ATF2: variants seen among roughly 807,000 people sequenced by gnomAD.
ATF2 encodes activating transcription factor 2, also known as cyclic AMP-dependent transcription factor ATF-2.
Under a neutral mutation model 60.6 loss-of-function variants are expected in ATF2, and 24 were observed. The ratio of observed to expected loss-of-function variants is 0.40; its 90% CI spans 0.29 to 0.56. ATF2 has a LOEUF of 0.56. ATF2 is among the 20% of genes least tolerant of loss of function. The pLI, the probability that ATF2 is intolerant of heterozygous loss-of-function variation, is 0.54. For missense variants in ATF2, 433 were observed against 607.7 expected, an observed-to-expected ratio of 0.71 and a Z score of 3.02; for synonymous variants, 206 against 215.4, an observed-to-expected ratio of 0.96 and a Z score of 0.38.
Position 175,114,126 on chromosome 2 carries a change from A to G in ATF2, c.627-18T>C, listed in dbSNP as rs753469694. Reference sequence around the variant, plus strand: ...GTACAGGGCTAAGAAAAACAAAAGAAGAGAAATTTTAAAAAAGAGATTCAT... The same window carrying G: ...GTACAGGGCTAAGAAAAACAAAAGAGGAGAAATTTTAAAAAAGAGATTCAT... On this transcript the variant is annotated intron_variant, in intron 8 of 13. Coordinates refer to ENST00000264110, the MANE Select transcript of ATF2 (RefSeq NM_001880.4). The G allele has an allele frequency of 3.8e-6, 6 of 1,559,034 alleles. No individual in the cohort carries two copies. Among genetic ancestry groups the G allele is most frequent in the South Asian group, 3.6e-5 (3 of 83,258 alleles).
chr2:175,114,503 T>C (rs1696413831), intron 8 of ATF2, 187 bp downstream of exon 8: 4 of 1,304,422 alleles, frequency 3.1e-6, no homozygotes, highest in South Asian at 2.5e-5. Flanking sequence ...TAGTTGTATT[T>C]ATCTCCCACT....
intron 4 of ATF2, among the ~76,000 whole-genome samples, chr2:175,128,938 G>C (rs984710405): frequency 3.9e-5 from 6 of 152,042 alleles, no homozygotes; most frequent in African/African-American, 1.4e-4. Flanking sequence ...AAGCAGCCTG[G>C]TAATTTCCTA....
In ATF2 at chr2:175,111,746, G is replaced by A. The variant is rs1696205856; in HGVS notation, c.742-92C>T. On this transcript the variant is annotated intron_variant, in intron 9 of 13. Transcript: ENST00000264110. The stretch of plus-strand genomic sequence containing the variant: ...CTGTTGTAATAATTTGAGACTTTAA[G>A]AATCAGAACATTGTAAATTTATCAC... The A allele has an allele frequency of 4.6e-6, 5 of 1,085,572 alleles. No individual in the cohort carries two copies. The Admixed American group carries it at 1.1e-4, about 24-fold the overall frequency. The allele number at this position is 1,085,572 out of a possible 1,614,324, so 67.2% of individuals were successfully genotyped here.
At chr2:175,166,786 T>G (rs542483279) in intron 1 of ATF2, among the ~76,000 whole-genome samples, 8 of 152,198 alleles carry the variant, frequency 5.3e-5, no homozygotes, top group Non-Finnish European at 1.0e-4. Context: ...TCAAAGAAAG[T>G]CAGTTTTTGT....
intron 1 of ATF2, among the ~76,000 whole-genome samples, chr2:175,160,136 G>A (rs73039728): frequency 0.096 from 14,560 of 152,246 alleles, 773 homozygotes; most frequent in Middle Eastern, 0.17. Context: ...TGTAACCCCA[G>A]CGCTTTGTGA....
intron 5 of ATF2, 128 bp from the exon 6 acceptor site, chr2:175,118,497 T>C: frequency 2.6e-6 from 2 of 766,052 alleles, no homozygotes; most frequent in Middle Eastern, 3.8e-4. Context: ...GAAAGACCTC[T>C]TCCTTTAAAA....
intron 1 of ATF2, among the ~76,000 whole-genome samples, chr2:175,163,100 C>T (rs919135051): frequency 2.6e-5 from 4 of 151,684 alleles, no homozygotes; most frequent in African/African-American, 9.7e-5. Context: ...TGCCACTGCA[C>T]TCCAGCCTGG....
chr2:175,129,596 A>G (rs1697587573), intron 4 of ATF2, among the ~76,000 whole-genome samples: 1 of 152,048 alleles, frequency 6.6e-6, no homozygotes, highest in East Asian at 1.9e-4. Context: ...GTCTATAGTT[A>G]TTTTAAGATA....
intron 10 of ATF2, among the ~76,000 whole-genome samples, chr2:175,102,659 C>T (rs1695386549): frequency 6.6e-6 from 1 of 151,780 alleles, no homozygotes; most frequent in Admixed American, 6.6e-5. Flanking sequence ...GTCCCAACTA[C>T]TCAGGAGGCT....
intron 4 of ATF2, among the ~76,000 whole-genome samples, chr2:175,122,713 CAT>C (rs1250697859): frequency 1.3e-5 from 2 of 152,014 alleles, no homozygotes; most frequent in Non-Finnish European, 2.9e-5. Context: ...ATCATATTTT[CAT>C]ATGTCTGTCC....
intron 10 of ATF2, among the ~76,000 whole-genome samples, chr2:175,102,056 A>G (rs1695349660): frequency 6.6e-6 from 1 of 152,214 alleles, no homozygotes; most frequent in Non-Finnish European, 1.5e-5. Flanking sequence ...GCATTTGAAG[A>G]AGGCCAAATA....
chr2:175,109,252 A>T (rs1696002337), intron 10 of ATF2, among the ~76,000 whole-genome samples: 1 of 151,638 alleles, frequency 6.6e-6, no homozygotes, highest in African/African-American at 2.4e-5. Context: ...TAAAGTGTCC[A>T]TGAGCAGGAG....
intron 10 of ATF2, among the ~76,000 whole-genome samples, chr2:175,108,784 G>C (rs1318839468): frequency 7.2e-6 from 1 of 138,718 alleles, no homozygotes; most frequent in Admixed American, 7.1e-5. Flanking sequence ...TGCTGTATCT[G>C]TGTAGAAAGT....
At chr2:175,121,603 T>G in intron 4 of ATF2, 63 bp from the exon 5 acceptor site, 1 of 1,271,860 alleles carries the variant, frequency 7.9e-7, no homozygotes, top group Non-Finnish European at 1.1e-6. Flanking sequence ...GTAAAATGAT[T>G]AGGAAATTAA....
rs13391427 is a variant in ATF2, at chr2:175,107,007, C to T, written c.828+4561G>A. Among the ~76,000 whole-genome samples the T allele has an allele frequency of 2.0e-3, 309 of 152,024 alleles. 3 individuals carry two copies. Among genetic ancestry groups the T allele is most frequent in the African/African-American group, 6.7e-3 (277 of 41,448 alleles). On this transcript the variant is annotated intron_variant, in intron 10 of 13. Transcript: ENST00000264110. ...ATCTTTACAAAAAAATACAAGTAGTCCCAGCTACTTGAGGGGCTAAGGCAG... is the reference window on the plus strand; with the variant it reads ...ATCTTTACAAAAAAATACAAGTAGTTCCAGCTACTTGAGGGGCTAAGGCAG...
In ATF2 at chr2:175,165,131, A is replaced by ATT. The variant is rs34135617; in HGVS notation, c.-143+2917_-143+2918dup. 3.6e-3 allele frequency among the ~76,000 whole-genome samples: 547 copies of ATT among 151,890 alleles called. 4 individuals are homozygous for ATT. Among genetic ancestry groups the ATT allele is most frequent in the Middle Eastern group, 0.01 (3 of 294 alleles). On this transcript the variant is annotated intron_variant, in intron 1 of 13. Transcript: ENST00000264110. Reference sequence around the variant, plus strand: ...AGCTACCACACCTGGCTAAGGTGGGATTTTTTTTAGGGTACATTTTAATTA... The same window carrying ATT: ...AGCTACCACACCTGGCTAAGGTGGGATTTTTTTTTTAGGGTACATTTTAATTA...
intron 2 of ATF2, among the ~76,000 whole-genome samples, chr2:175,143,514 G>C (rs899020881): frequency 2.6e-5 from 4 of 152,062 alleles, no homozygotes; most frequent in African/African-American, 7.2e-5. Context: ...ACTTCTAGAA[G>C]TGAAACTGCT....
chr2:175,093,384 A>G lies in ATF2; in HGVS notation c.979-117T>C. 6 of 986,104 alleles carry G rather than the reference A, an allele frequency of 6.1e-6. No individual in the cohort carries two copies. In the South Asian group the frequency reaches 8.1e-5, roughly 13 times the overall value. The allele number at this position is 986,104 out of a possible 1,614,324, so 61.1% of individuals were successfully genotyped here. On this transcript the variant is annotated intron_variant, in intron 11 of 13. Coordinates refer to ENST00000264110, the MANE Select transcript of ATF2 (RefSeq NM_001880.4). ...GTATTTTCTAAGTCTTGTTGAATAC[A>G]TCAGTATGTTGGGGCAATATGAAAA...
chr2:175,078,286 G>A (rs1693509774), intron 13 of ATF2, among the ~76,000 whole-genome samples: 1 of 151,274 alleles, frequency 6.6e-6, no homozygotes, highest in Non-Finnish European at 1.5e-5. Flanking sequence ...CATATTTTCA[G>A]TAATAAAAGT....
Sources: gnomAD v4.1 joint callset for allele counts (sites outside exome capture counted in the v4.1 genomes callset) on GRCh38, gnomAD v4.1.1 for gene constraint, MANE v1.5 for transcripts, NCBI Gene and HGNC (gene_info 2026-07-23, HGNC 2026-07-21) for gene names.